Variants in CCAR2 observed in about 807,000 individuals in gnomAD.
CCAR2 encodes the protein cell cycle and apoptosis regulator 2, also known as cell cycle and apoptosis regulator protein 2.
Under a neutral mutation model 108.1 loss-of-function variants are expected in CCAR2, and 21 were observed. That is an observed-to-expected ratio of 0.19 (90% CI 0.14 to 0.28). The LOEUF (loss-of-function observed/expected upper bound fraction) is 0.28. CCAR2 is among the 10% of genes least tolerant of loss of function. The pLI is 1.00. For missense variants in CCAR2, 1,126 were observed against 1,177.0 expected (o/e 0.96, Z 0.63); for synonymous variants, 577 against 472.8 (o/e 1.22, Z -2.86).
rs143860446 is a variant in CCAR2 at position 22,610,588 on chromosome 8, C to A, written c.585-2429C>A. ...TCAAAGTGGCTTTGGCATGGGTCTTCTATTAGAAACATGGGCTACTGACAT... is the reference window on the plus strand; with the variant it reads ...TCAAAGTGGCTTTGGCATGGGTCTTATATTAGAAACATGGGCTACTGACAT... On this transcript the variant is annotated intron_variant, in intron 7 of 20. Coordinates refer to ENST00000308511, the MANE Select transcript of CCAR2 (RefSeq NM_001393997.1). Among the ~76,000 whole-genome samples the A allele has an allele frequency of 1.8e-3, 279 of 152,340 alleles. 1 individual carries two copies. The highest frequency in any genetic ancestry group is 6.8e-3 in the Middle Eastern group (2 of 294).
intron 14 of CCAR2, 36 bp downstream of exon 14, chr8:22,616,284 T>C (rs1801506138): frequency 6.3e-7 from 1 of 1,583,656 alleles, no homozygotes; most frequent in Non-Finnish European, 8.7e-7. Context: ...TCATAGTGCT[T>C]ACCGTGACCG....
rs1801414884 is a variant in CCAR2 at position 22,614,423 on chromosome 8, T to C, written c.961T>C (p.Leu321=). The change falls in exon 10 of 21, where the codon TTG becomes CTG. Residue 321 remains leucine (L), a synonymous_variant. Coordinates refer to ENST00000308511, the MANE Select transcript of CCAR2 (RefSeq NM_001393997.1). ...GCTCTCTTCCCCGGGGTTGGAGGAA[T>C]TGTATCGTTGTTGCATGCTCTTTGT... ...LLLSSPGLEE[L]YRCCMLFVDD... is the part of the protein sequence containing the mutation. The C allele has an allele frequency of 1.2e-6, 2 of 1,614,048 alleles. No homozygotes were observed. Among genetic ancestry groups the C allele is most frequent in the South Asian group, 1.1e-5 (1 of 91,090 alleles).
At chr8:22,614,801 T>C (rs1459516421) in intron 10 of CCAR2, 37 bp from the exon 11 acceptor site, 1 of 1,540,332 alleles carries the variant, frequency 6.5e-7, no homozygotes, top group Non-Finnish European at 8.9e-7. Context: ...CCAGGTAATG[T>C]AGTTTTTTGT....
rs7357458 is a variant in CCAR2 at position 22,614,185 on chromosome 8, C to T, written c.798C>T (p.Ala266=). 1 of 1,614,124 alleles carries T rather than the reference C, an allele frequency of 6.2e-7. No individual in the cohort carries two copies. The highest frequency in any genetic ancestry group is 8.5e-7 in the Non-Finnish European group (1 of 1,180,038). ...CCGTGCATCTGAGTTGGCTATCAGCCTTCCCCCTGAGCCAGCCCTTTTCCC... is the reference window on the plus strand; with the variant it reads ...CCGTGCATCTGAGTTGGCTATCAGCTTTCCCCCTGAGCCAGCCCTTTTCCC... ...FLSVHLSWLS[A]FPLSQPFSLH... is the part of the protein sequence containing the mutation. The change falls in exon 9 of 21, where the codon GCC becomes GCT. Residue 266 remains alanine, a synonymous_variant. Coordinates refer to ENST00000308511, the MANE Select transcript of CCAR2 (RefSeq NM_001393997.1).
rs1247226477 is a variant in CCAR2 at position 22,604,860 on chromosome 8, C to T, written c.-39+18C>T. On this transcript the variant is annotated intron_variant, in intron 1 of 20. Transcript: ENST00000308511. ...GCCCGCAGGTGGGTTGGGGGGCCCC[C>T]TGCCGCCCCTCTGCCCCTTCGCCCC... 1 of 451,748 alleles carries T rather than the reference C, an allele frequency of 2.2e-6. No homozygotes were observed. Among genetic ancestry groups the T allele is most frequent in the Non-Finnish European group, 4.4e-6 (1 of 225,174 alleles). 28.0% of individuals were successfully genotyped at this position (451,748 alleles called of 1,614,324 possible).
Position 22,615,107 on chromosome 8 carries a change from C to CTAGT in CCAR2, c.1205+107_1205+110dup, listed in dbSNP as rs980623503. On this transcript the variant is annotated intron_variant, in intron 11 of 20. Coordinates refer to ENST00000308511, the MANE Select transcript of CCAR2 (RefSeq NM_001393997.1). ...TTTCTGCTGGTTAGCTCTCTGCCCC[C>CTAGT]TAGTCCCGTTCCTTCCCCCTCTGGT... 2.9e-6 allele frequency: 4 copies of CTAGT among 1,371,452 alleles called. 1 individual carries two copies. Among genetic ancestry groups the CTAGT allele is most frequent in the Non-Finnish European group, 3.9e-6 (4 of 1,038,074 alleles). The allele number at this position is 1,371,452 out of a possible 1,614,324, so 85.0% of individuals were successfully genotyped here.
At chr8:22,605,658 C>T in intron 1 of CCAR2, 78 bp from the exon 2 acceptor site, 1 of 834,588 alleles carries the variant, frequency 1.2e-6, no homozygotes, top group South Asian at 1.5e-5. Context: ...AATATCCTTA[C>T]TTAAGATTCT....
Position 22,607,550 on chromosome 8 carries a change from C to T in CCAR2, c.487+225C>T, listed in dbSNP as rs556726788. Reference sequence around the variant, plus strand: ...TGACACGATCTCGGCTCATTGCAACCTCTGCCTCCTGGGTTCAAGCAATTC... The same window carrying T: ...TGACACGATCTCGGCTCATTGCAACTTCTGCCTCCTGGGTTCAAGCAATTC... On this transcript the variant is annotated intron_variant, in intron 6 of 20. Coordinates refer to ENST00000308511, the MANE Select transcript of CCAR2 (RefSeq NM_001393997.1). 1.7e-4 allele frequency among the ~76,000 whole-genome samples: 26 copies of T among 151,366 alleles called. 1 individual carries two copies. Among genetic ancestry groups the T allele is most frequent in the South Asian group, 8.4e-4 (4 of 4,762 alleles).
chr8:22,613,352 GTTCTTTTTTTT>G (rs1325072101), intron 8 of CCAR2, among the ~76,000 whole-genome samples: 1 of 114,128 alleles, frequency 8.8e-6, no homozygotes, highest in African/African-American at 3.4e-5. Flanking sequence ...ATTAGATCTA[GTTCTTTTTTTT>G]TTTTTTTTTT....
chr8:22,607,425 A>C (rs912088282), intron 6 of CCAR2, 100 bp downstream of exon 6: 33 of 1,216,914 alleles, frequency 2.7e-5, no homozygotes, highest in Middle Eastern at 2.0e-4. Context: ...GGGTACTTCT[A>C]TGTACTGGAA....
At chr8:22,613,565 G>C (rs544752494) in intron 8 of CCAR2, among the ~76,000 whole-genome samples, 13 of 152,278 alleles carry the variant, frequency 8.5e-5, no homozygotes, top group Admixed American at 5.9e-4. Flanking sequence ...GCTATTGCCA[G>C]TTCTCCTGAA....
intron 10 of CCAR2, 68 bp from the exon 11 acceptor site, chr8:22,614,770 C>G: frequency 6.3e-7 from 1 of 1,599,436 alleles, no homozygotes; most frequent in Non-Finnish European, 8.5e-7. Context: ...TGGGTGGCAG[C>G]CTTGCCCTGC....
intron 7 of CCAR2, among the ~76,000 whole-genome samples, chr8:22,609,052 CTTT>C (rs71546822): frequency 5.3e-5 from 7 of 133,124 alleles, no homozygotes; most frequent in African/African-American, 5.6e-5. Flanking sequence ...CTTTTTTTTT[CTTT>C]TTTTTTTTTT....
intron 1 of CCAR2, chr8:22,605,288 T>A (rs564255980): frequency 6.1e-6 from 1 of 162,960 alleles, no homozygotes; most frequent in East Asian, 1.9e-4. Flanking sequence ...GGGCCTTGCG[T>A]GGAGGGTTTT....
chr8:22,611,560 TGAAAAG>T (rs1801284404), intron 7 of CCAR2, among the ~76,000 whole-genome samples: 1 of 152,104 alleles, frequency 6.6e-6, no homozygotes, highest in African/African-American at 2.4e-5. Context: ...AAAATAATTT[TGAAAAG>T]GAAAATCTCT....
rs1159883084 is a variant in CCAR2, at chr8:22,619,638, G to GCTGA, written c.2730_2733dup (p.Ser912Ter). 1.3e-6 allele frequency: 2 copies of GCTGA among 1,571,752 alleles called. No individual in the cohort carries two copies. Among genetic ancestry groups the GCTGA allele is most frequent in the Admixed American group, 1.8e-5 (1 of 54,112 alleles). On this transcript the variant is annotated frameshift_variant and splice_region_variant, in exon 21 of 21. Transcript: ENST00000308511. LOFTEE classifies it high-confidence loss of function. ...TGGGTACATCATCTGTTTCAAACAG[G>GCTGA]CTGACAGCTGGGTGGAGAAGGAGGA...
rs112539003 is a variant in CCAR2 at position 22,618,543 on chromosome 8, C to T, written c.2220+48C>T. On this transcript the variant is annotated intron_variant, in intron 17 of 20. Transcript: ENST00000308511. The stretch of plus-strand genomic sequence containing the variant: ...GCACATGGGCACAGGCCTGCACTTA[C>T]TCCTGCTCTAGGTTCCCGCCCATGG... The T allele has an allele frequency of 4.0e-4, 653 of 1,614,100 alleles. 4 individuals are homozygous for T. The African/African-American group carries it at 7.5e-3, about 18-fold the overall frequency.
chr8:22,620,005 T>A lies in CCAR2; in HGVS notation c.*323T>A. The A allele has an allele frequency of 2.6e-6, 1 of 377,810 alleles. No individual in the cohort carries two copies. The highest frequency in any genetic ancestry group is 2.0e-5 in the African/African-American group (1 of 48,966). The allele number at this position is 377,810 out of a possible 1,614,324, so 23.4% of individuals were successfully genotyped here. A position where few individuals can be genotyped will look rare whatever the true frequency, so the allele number is the denominator to read the frequency against. ...TGACTTTCTCCTGTCCTCTTCCAGT[T>A]TAGAATAAGACAGGGGAGAAAAAGG... On this transcript the variant is annotated 3_prime_UTR_variant, in exon 21 of 21. Coordinates refer to ENST00000308511, the MANE Select transcript of CCAR2 (RefSeq NM_001393997.1).
In CCAR2 at chr8:22,620,029, G is replaced by C. The variant is rs1318434377; in HGVS notation, c.*347G>C. ...TTTAGAATAAGACAGGGGAGAAAAA[G>C]GCTTTTCGAGTGTGGGACAAGGTCT... On this transcript the variant is annotated 3_prime_UTR_variant, in exon 21 of 21. Transcript: ENST00000308511. The C allele has an allele frequency of 3.4e-6, 1 of 292,330 alleles. No individual in the cohort carries two copies. The highest frequency in any genetic ancestry group is 6.6e-6 in the Non-Finnish European group (1 of 150,674). 18.1% of individuals were successfully genotyped at this position (292,330 alleles called of 1,614,324 possible).
Sources: allele counts gnomAD v4.1 joint callset (sites outside exome capture counted in the v4.1 genomes callset), GRCh38; gene constraint gnomAD v4.1.1; transcripts MANE v1.5; gene names NCBI Gene and HGNC (gene_info 2026-07-23, HGNC 2026-07-21).